Variants in GRIN3A observed in about 807,000 individuals in gnomAD.
The protein encoded by GRIN3A is glutamate receptor ionotropic, NMDA 3A.
In GRIN3A, 47 loss-of-function variants were observed where a neutral mutation model predicts 92.4. The observed-to-expected ratio is 0.51, with a 90% CI of 0.40 to 0.65. The LOEUF is 0.65. Among genes scored for constraint, GRIN3A ranks in the 30% least tolerant of loss-of-function variants. The pLI is 0.00. For missense variants in GRIN3A, 1,324 were observed against 1,393.1 expected (o/e 0.95, Z 0.79); for synonymous variants, 527 against 540.6 (o/e 0.97, Z 0.35).
At position 101,702,342 on chromosome 9, in the gene GRIN3A, TATCCAATC is replaced by T. The variant is rs976786260; in HGVS notation, c.700-15150_700-15143del. ...TTTATTTATTCACTTTACATTTTCT[TATCCAATC>T]AGGCCTTGAAACTCACCATCCATCC... On this transcript the variant is annotated intron_variant, in intron 1 of 8. Transcript: ENST00000361820. 4.3e-4 allele frequency among the ~76,000 whole-genome samples: 65 copies of T among 152,278 alleles called. 2 individuals carry two copies. The highest frequency in any genetic ancestry group is 4.0e-3 in the Admixed American group (61 of 15,290).
intron 5 of GRIN3A, among the ~76,000 whole-genome samples, chr9:101,621,938 C>T (rs2118866531): frequency 6.6e-6 from 1 of 152,172 alleles, no homozygotes; most frequent in East Asian, 1.9e-4. Context: ...TTCATTGTTA[C>T]ATTAAAATGG....
At position 101,686,768 on chromosome 9, in the gene GRIN3A, C is replaced by T. The variant is rs754589362; in HGVS notation, c.1132G>A (p.Gly378Arg). ...TCAAAGACAGACTGTGTTGTTTTTC[C>T]ATGAGCAATGAGCCCTAAGGGCAGA... is the stretch of plus-strand genomic sequence containing the variant. ...EGLPLGLIAHGKTTQSVFEHY... is the reference protein window; with the variant it reads ...EGLPLGLIAHRKTTQSVFEHY... Residue 378 changes from glycine to arginine, a missense_variant, in exon 2 of 9, where the codon GGA (glycine) becomes AGA (arginine). Gly to Arg is a moderately radical substitution (Grantham distance 125). Transcript: ENST00000361820. The T allele has an allele frequency of 1.2e-6, 2 of 1,614,114 alleles. No homozygotes were observed. The highest frequency in any genetic ancestry group is 3.3e-5 in the Admixed American group (2 of 60,020).
At chr9:101,592,945 T>C (rs1417710600) in intron 6 of GRIN3A, 1 of 151,902 alleles carries the variant, frequency 6.6e-6, no homozygotes, top group African/African-American at 2.4e-5. Context: ...GCATCTTATA[T>C]GGGAAGTGGT....
At chr9:101,660,442 G>C (rs1332927522) in intron 3 of GRIN3A, among the ~76,000 whole-genome samples, 1 of 151,766 alleles carries the variant, frequency 6.6e-6, no homozygotes, top group African/African-American at 2.4e-5. Context: ...TGCTTCAATA[G>C]ATGTCATAAT....
chr9:101,606,906 A>ATTTTTT (rs536780165), intron 6 of GRIN3A, among the ~76,000 whole-genome samples: 1,895 of 86,104 alleles, frequency 0.022, 56 homozygotes, highest in Non-Finnish European at 0.028. Flanking sequence ...AAAAAATTAC[A>ATTTTTT]TTTTTTTTTT....
At chr9:101,623,195 T>C (rs1050837793) in intron 5 of GRIN3A, 123 bp downstream of exon 5, 2 of 731,698 alleles carry the variant, frequency 2.7e-6, no homozygotes, top group African/African-American at 3.5e-5. Flanking sequence ...TGCTTATGAG[T>C]TGAAAATGAA....
chr9:101,575,577 T>G (rs1317504922), intron 8 of GRIN3A, among the ~76,000 whole-genome samples: 2 of 152,196 alleles, frequency 1.3e-5, no homozygotes, highest in Admixed American at 6.5e-5. Flanking sequence ...ATGTACCTTA[T>G]TTTCTTTGCA....
intron 5 of GRIN3A, among the ~76,000 whole-genome samples, chr9:101,622,438 C>T (rs1169606982): frequency 6.6e-6 from 1 of 152,130 alleles, no homozygotes; most frequent in African/African-American, 2.4e-5. Context: ...TTTGCTGGTT[C>T]AAACTATCAG....
chr9:101,644,224 T>C (rs577419825), intron 3 of GRIN3A, among the ~76,000 whole-genome samples: 2 of 152,100 alleles, frequency 1.3e-5, no homozygotes, highest in African/African-American at 4.8e-5. Flanking sequence ...ATTTTTCTTT[T>C]CATCATTTTC....
At chr9:101,730,544 A>C (rs1830125751) in intron 1 of GRIN3A, among the ~76,000 whole-genome samples, 1 of 152,168 alleles carries the variant, frequency 6.6e-6, no homozygotes. Flanking sequence ...GATGTCTAAA[A>C]AGTTGTACAG....
intron 3 of GRIN3A, among the ~76,000 whole-genome samples, chr9:101,658,314 C>G (rs547729500): frequency 2.0e-5 from 3 of 152,030 alleles, no homozygotes; most frequent in Non-Finnish European, 4.4e-5. Flanking sequence ...TATTTGTTGA[C>G]ATTGACATTT....
rs962561406 is a variant in GRIN3A, at chr9:101,579,242, C to T, written c.2885G>A (p.Arg962Gln). 13 of 1,613,792 alleles carry T rather than the reference C, an allele frequency of 8.1e-6. No homozygotes were observed. Among genetic ancestry groups the T allele is most frequent in the Middle Eastern group, 1.6e-4 (1 of 6,080 alleles). ...EHIVYRLLLP[R>Q]IKNKSKLQYW... ...TTGCAGCTTGGATTTGTTTTTGATTCGTGGTAGCAGCAGCCTGTATACTAT... is the reference window on the plus strand; with the variant it reads ...TTGCAGCTTGGATTTGTTTTTGATTTGTGGTAGCAGCAGCCTGTATACTAT... The change falls in exon 7 of 9, where the codon CGA becomes CAA. Residue 962 changes from arginine (R) to glutamine (Q), a missense_variant. Physicochemically the swap from Arg to Gln is conservative, Grantham distance 43. Coordinates refer to ENST00000361820, the MANE Select transcript of GRIN3A (RefSeq NM_133445.3).
intron 1 of GRIN3A, among the ~76,000 whole-genome samples, chr9:101,726,815 G>T (rs1830086736): frequency 6.6e-6 from 1 of 151,406 alleles, no homozygotes; most frequent in South Asian, 2.1e-4. Flanking sequence ...GGGTACATAA[G>T]ATGTTTTAAA....
At chr9:101,647,682 A>T (rs1340609301) in intron 3 of GRIN3A, among the ~76,000 whole-genome samples, 1 of 151,790 alleles carries the variant, frequency 6.6e-6, no homozygotes, top group Non-Finnish European at 1.5e-5. Flanking sequence ...ACTTATTATT[A>T]GTCTGTTCAG....
At chr9:101,621,869 T>A (rs1301534523) in intron 5 of GRIN3A, among the ~76,000 whole-genome samples, 1 of 152,216 alleles carries the variant, frequency 6.6e-6, no homozygotes, top group South Asian at 2.1e-4. Context: ...AGTTACCCAG[T>A]GCATCTAGGA....
chr9:101,634,262 G>T (rs1391261117), intron 3 of GRIN3A, among the ~76,000 whole-genome samples: 3 of 150,648 alleles, frequency 2.0e-5, no homozygotes, highest in Non-Finnish European at 4.4e-5. Flanking sequence ...GAACCCGGGA[G>T]GCGGAGCTTG....
intron 6 of GRIN3A, among the ~76,000 whole-genome samples, chr9:101,601,998 A>T (rs1221667121): frequency 6.6e-6 from 1 of 152,156 alleles, no homozygotes; most frequent in Non-Finnish European, 1.5e-5. Context: ...TATTGGACAG[A>T]AGGACAGAGG....
intron 3 of GRIN3A, among the ~76,000 whole-genome samples, chr9:101,657,514 G>A (rs1829105692): frequency 6.6e-6 from 1 of 151,956 alleles, no homozygotes; most frequent in African/African-American, 2.4e-5. Context: ...ATTTATGTGA[G>A]TTAAGCATTA....
chr9:101,622,721 T>C (rs925522850), intron 5 of GRIN3A, among the ~76,000 whole-genome samples: 1 of 152,306 alleles, frequency 6.6e-6, no homozygotes, highest in East Asian at 1.9e-4. Context: ...TCAGTCCCAG[T>C]ATTATCATCT....
Sources: allele counts gnomAD v4.1 joint callset (sites outside exome capture counted in the v4.1 genomes callset), GRCh38; gene constraint gnomAD v4.1.1; transcripts MANE v1.5; gene names NCBI Gene and HGNC (gene_info 2026-07-23, HGNC 2026-07-21).